The following FABP7 variants were observed in gnomAD, a reference collection of about 807,000 sequenced individuals.
FABP7 encodes fatty acid-binding protein, brain.
FABP7 carries 13 observed loss-of-function variants against 14.2 expected under a neutral mutation model. The ratio of observed to expected loss-of-function variants is 0.91; its 90% CI spans 0.59 to 1.45. FABP7 has a LOEUF of 1.45. Among genes scored for constraint, FABP7 ranks in the 40% most tolerant of loss-of-function variants. FABP7 has a pLI of 0.00. For synonymous variants in FABP7, 49 were observed against 51.4 expected (o/e 0.95, Z 0.20); for missense variants, 149 against 157.6 (o/e 0.95, Z 0.29).
chr6:122,783,283 C>T, intron 3 of FABP7: 1 of 985,388 alleles, frequency 1.0e-6, no homozygotes, highest in South Asian at 4.7e-5. Context: ...ACAAGTCATT[C>T]CAAATACCAT....
At chr6:122,778,708 G>C (rs886626397), upstream of FABP7, among the ~76,000 whole-genome samples, 1 of 152,180 alleles carries the variant, frequency 6.6e-6, no homozygotes, top group Non-Finnish European at 1.5e-5. Flanking sequence ...GGGGAACCCT[G>C]AGCCAGGGCA....
At chr6:122,782,726 T>C (rs761714218) in intron 3 of FABP7, 5 of 985,418 alleles carry the variant, frequency 5.1e-6, no homozygotes, top group Non-Finnish European at 6.0e-6. Context: ...TGGGGACTCA[T>C]GTTTCCTTCT....
At chr6:122,766,168 G>A in the FABP7 span, among the ~76,000 whole-genome samples, 12 of 151,984 alleles carry the variant, frequency 7.9e-5, no homozygotes, top group Non-Finnish European at 1.6e-4. Flanking sequence ...AAATGAGTTG[G>A]GATATTTTCT....
the FABP7 span, among the ~76,000 whole-genome samples, chr6:122,753,042 C>T: frequency 6.6e-6 from 1 of 152,164 alleles, no homozygotes; most frequent in Admixed American, 6.5e-5. Flanking sequence ...TTACTCTAGA[C>T]AAAATGCTTA....
chr6:122,749,958 A>G, the FABP7 span, among the ~76,000 whole-genome samples: 1 of 152,218 alleles, frequency 6.6e-6, no homozygotes, highest in Admixed American at 6.5e-5. Flanking sequence ...GACATTTTAT[A>G]GAATTAAGTT....
the FABP7 span, among the ~76,000 whole-genome samples, chr6:122,756,456 C>G: frequency 2.0e-5 from 3 of 152,280 alleles, no homozygotes; most frequent in African/African-American, 7.2e-5. Flanking sequence ...TTCCTGTCGG[C>G]ACCACCATGC....
At chr6:122,760,794 A>G in the FABP7 span, among the ~76,000 whole-genome samples, 7 of 152,266 alleles carry the variant, frequency 4.6e-5, no homozygotes, top group South Asian at 1.0e-3. Flanking sequence ...ATTTTGATAT[A>G]TAATAGTGGC....
At chr6:122,773,865 T>C in the FABP7 span, among the ~76,000 whole-genome samples, 1 of 152,168 alleles carries the variant, frequency 6.6e-6, no homozygotes, top group South Asian at 2.1e-4. Flanking sequence ...TTATCTTTCT[T>C]TCTTTTATTT....
At chr6:122,777,529 A>G (rs1469152335), upstream of FABP7, among the ~76,000 whole-genome samples, 4 of 152,252 alleles carry the variant, frequency 2.6e-5, no homozygotes, top group East Asian at 7.7e-4. Flanking sequence ...AAACTGACAA[A>G]ACAGACTCTT....
chr6:122,777,185 A>T (rs1780689404), upstream of FABP7, among the ~76,000 whole-genome samples: 1 of 152,250 alleles, frequency 6.6e-6, no homozygotes, highest in South Asian at 2.1e-4. Flanking sequence ...ATTATATTTT[A>T]GAAAAATACT....
chr6:122,754,480 A>C, the FABP7 span, among the ~76,000 whole-genome samples: 4 of 152,152 alleles, frequency 2.6e-5, no homozygotes, highest in African/African-American at 4.8e-5. Flanking sequence ...GACTTTTCTG[A>C]AATGATCCAC....
chr6:122,772,956 G>C, the FABP7 span, among the ~76,000 whole-genome samples: 1 of 152,072 alleles, frequency 6.6e-6, no homozygotes, highest in African/African-American at 2.4e-5. Context: ...AGACAGGTAA[G>C]CCCCTAGGGA....
the FABP7 span, among the ~76,000 whole-genome samples, chr6:122,766,731 A>G: frequency 6.6e-6 from 1 of 152,104 alleles, no homozygotes; most frequent in African/African-American, 2.4e-5. Flanking sequence ...AAAATCAAGA[A>G]TGAGACAACA....
In FABP7 at chr6:122,781,196, T is replaced by C; in HGVS notation, c.348+2T>C. On this transcript the variant is annotated splice_donor_variant, in intron 3 of 3. Transcript: ENST00000368444. LOFTEE classifies it high-confidence loss of function. Reference sequence around the variant, plus strand: ...ATTAAGGATGGCAAAATGGTTATGGTAAGTAATGACAATTCTCCATTCTTC... The same window carrying C: ...ATTAAGGATGGCAAAATGGTTATGGCAAGTAATGACAATTCTCCATTCTTC... The C allele has an allele frequency of 1.2e-6, 2 of 1,613,968 alleles. No individual in the cohort carries two copies. Among genetic ancestry groups the C allele is most frequent in the Non-Finnish European group, 1.7e-6 (2 of 1,179,884 alleles).
the FABP7 span, among the ~76,000 whole-genome samples, chr6:122,750,185 T>C: frequency 5.3e-5 from 8 of 152,276 alleles, no homozygotes; most frequent in African/African-American, 1.9e-4. Flanking sequence ...AGATAATTTT[T>C]TGAAAATGTA....
At chr6:122,761,037 G>A in the FABP7 span, among the ~76,000 whole-genome samples, 1 of 152,016 alleles carries the variant, frequency 6.6e-6, no homozygotes, top group African/African-American at 2.4e-5. Context: ...TAACTATTTA[G>A]TTCTGTCCCT....
chr6:122,781,141 G>A lies in FABP7; in HGVS notation c.295G>A (p.Asp99Asn). The stretch of plus-strand genomic sequence containing the variant: ...CAAACTTGTTCACATACAGAAATGG[G>A]ATGGCAAAGAAACAAATTTTGTAAG... ...GDKLVHIQKW[D>N]GKETNFVREI... Residue 99 changes from aspartate to asparagine, a missense_variant, in exon 3 of 4, where the codon GAT (aspartate) becomes AAT (asparagine). By Grantham distance (23) the Asp-to-Asn change is conservative. Transcript: ENST00000368444. The A allele has an allele frequency of 6.2e-7, 1 of 1,613,956 alleles. No individual in the cohort carries two copies. Among genetic ancestry groups the A allele is most frequent in the Non-Finnish European group, 8.5e-7 (1 of 1,179,922 alleles).
At chr6:122,776,166 T>C (rs188811821), upstream of FABP7, among the ~76,000 whole-genome samples, 1 of 152,264 alleles carries the variant, frequency 6.6e-6, no homozygotes, top group East Asian at 1.9e-4. Context: ...AATAATCCCA[T>C]TGCAGTGTAT....
intron 3 of FABP7, chr6:122,782,064 C>A: frequency 5.1e-6 from 5 of 985,418 alleles, no homozygotes; most frequent in Non-Finnish European, 6.0e-6. Flanking sequence ...CAAAGAGAAC[C>A]ATTTTGATGT....
Sources: gnomAD v4.1 joint callset for allele counts (sites outside exome capture counted in the v4.1 genomes callset) on GRCh38, gnomAD v4.1.1 for gene constraint, MANE v1.5 for transcripts, NCBI Gene and HGNC (gene_info 2026-07-23, HGNC 2026-07-21) for gene names.